The following CYP20A1 variants were observed in gnomAD, a reference collection of about 807,000 sequenced individuals.
CYP20A1 encodes cytochrome P450 family 20 subfamily A member 1, also known as cytochrome P450 20A1.
Under a neutral mutation model 61.4 loss-of-function variants are expected in CYP20A1, and 61 were observed. That is an observed-to-expected ratio of 0.99 (90% confidence interval 0.81 to 1.23). CYP20A1 has a LOEUF of 1.23. Among genes scored for constraint, CYP20A1 ranks in the 50% most tolerant of loss-of-function variants. The probability of loss-of-function intolerance (pLI) is 0.00; values close to 1 mark genes in which losing one functional copy is unlikely to be tolerated. For missense variants in CYP20A1, 530 were observed against 542.4 expected (o/e 0.98, Z 0.23); for synonymous variants, 193 against 188.2 (o/e 1.03, Z -0.21).
intron 11 of CYP20A1, among the ~76,000 whole-genome samples, chr2:203,294,647 T>C (rs1426445554): frequency 1.3e-5 from 2 of 152,098 alleles, no homozygotes; most frequent in Non-Finnish European, 2.9e-5. Flanking sequence ...CGTGTATCTT[T>C]TTTTTTTGGA....
At chr2:203,281,560 T>C (rs1053928634) in intron 8 of CYP20A1, among the ~76,000 whole-genome samples, 1 of 151,320 alleles carries the variant, frequency 6.6e-6, no homozygotes, top group African/African-American at 2.4e-5. Context: ...CCCAGCACTA[T>C]GGGAGGCTGA....
At chr2:203,243,788 C>T (rs966661632) in intron 1 of CYP20A1, among the ~76,000 whole-genome samples, 3 of 147,324 alleles carry the variant, frequency 2.0e-5, no homozygotes, top group Non-Finnish European at 3.0e-5. Context: ...CTCCCAGGCT[C>T]AAGTGATCCT....
intron 8 of CYP20A1, among the ~76,000 whole-genome samples, chr2:203,280,612 C>G (rs561141976): frequency 2.0e-5 from 3 of 152,302 alleles, no homozygotes; most frequent in South Asian, 2.1e-4. Flanking sequence ...GAGGCAGGAT[C>G]ATCACTTGAG....
intron 3 of CYP20A1, among the ~76,000 whole-genome samples, chr2:203,248,860 C>G (rs1034603954): frequency 6.6e-6 from 1 of 152,050 alleles, no homozygotes; most frequent in Admixed American, 6.6e-5. Flanking sequence ...TAGGCATGCA[C>G]CACCATGCCT....
At chr2:203,274,377 G>A (rs375242709) in intron 6 of CYP20A1, among the ~76,000 whole-genome samples, 3 of 151,900 alleles carry the variant, frequency 2.0e-5, no homozygotes, top group Non-Finnish European at 4.4e-5. Flanking sequence ...GTAGAGATGG[G>A]GTTTCGCCAT....
intron 8 of CYP20A1, among the ~76,000 whole-genome samples, chr2:203,284,984 A>G (rs1043353271): frequency 6.6e-6 from 1 of 151,704 alleles, no homozygotes; most frequent in Non-Finnish European, 1.5e-5. Flanking sequence ...GAGCCTACGC[A>G]ATCCCCCAGC....
intron 1 of CYP20A1, among the ~76,000 whole-genome samples, chr2:203,243,484 G>A (rs775265154): frequency 5.3e-5 from 8 of 151,386 alleles, no homozygotes; most frequent in Admixed American, 1.3e-4. Context: ...TCCGCCTCCC[G>A]GGCTCAAATC....
rs1277507565 is a variant in CYP20A1, at chr2:203,301,208, A to T, written c.*4300A>T. ...TGAAACTCTATCCAAAAAAAAAAAAAAACCATACGTACATAACTTTTTTTC... is the reference window on the plus strand; with the variant it reads ...TGAAACTCTATCCAAAAAAAAAAAATAACCATACGTACATAACTTTTTTTC... On this transcript the variant is annotated 3_prime_UTR_variant, in exon 13 of 13. Coordinates refer to ENST00000356079, the MANE Select transcript of CYP20A1 (RefSeq NM_177538.3). Among the ~76,000 whole-genome samples, 2 of 150,900 alleles carry T rather than the reference A, an allele frequency of 1.3e-5. No individual in the cohort carries two copies. Among genetic ancestry groups the T allele is most frequent in the Non-Finnish European group, 3.0e-5 (2 of 67,716 alleles).
chr2:203,249,340 CTG>C (rs1473377626), intron 3 of CYP20A1, among the ~76,000 whole-genome samples: 4 of 152,236 alleles, frequency 2.6e-5, no homozygotes, highest in African/African-American at 7.2e-5. Flanking sequence ...CACATTGAGA[CTG>C]TCTCTAAATT....
intron 7 of CYP20A1, 43 bp downstream of exon 7, chr2:203,278,731 A>G (rs1170970542): frequency 4.5e-6 from 5 of 1,104,610 alleles, no homozygotes; most frequent in Non-Finnish European, 6.6e-6. Flanking sequence ...AAAATAAGCC[A>G]GAGCCAGGCA....
At position 203,303,616 on chromosome 2, in the gene CYP20A1, A is replaced by C. The variant is rs1342823706; in HGVS notation, c.*6708A>C. ...AGGCTGAGGCAGGAGAATCGCTTGA[A>C]CCCAAGAGTCGGAGGTTGCAGTGAG... On this transcript the variant is annotated 3_prime_UTR_variant, in exon 13 of 13. Transcript: ENST00000356079. 6.6e-6 allele frequency among the ~76,000 whole-genome samples: 1 copy of C among 151,654 alleles called. No homozygotes were observed. The highest frequency in any genetic ancestry group is 2.4e-5 in the African/African-American group (1 of 41,296).
At position 203,299,354 on chromosome 2, in the gene CYP20A1, TG is replaced by T. The variant is rs1240250137; in HGVS notation, c.*2448del. Among the ~76,000 whole-genome samples the T allele has an allele frequency of 1.3e-5, 2 of 152,064 alleles. No individual in the cohort carries two copies. The highest frequency in any genetic ancestry group is 2.9e-5 in the Non-Finnish European group (2 of 68,000). On this transcript the variant is annotated 3_prime_UTR_variant, in exon 13 of 13. Transcript: ENST00000356079. ...GGGAGGATCACTTGAGCCCAGGAGT[TG>T]GAGGCTTCAGTGAGCTGTGATCACA...
At chr2:203,252,494 A>T (rs892616370) in intron 4 of CYP20A1, among the ~76,000 whole-genome samples, 1 of 151,924 alleles carries the variant, frequency 6.6e-6, no homozygotes, top group Non-Finnish European at 1.5e-5. Context: ...TCTTAGGTTT[A>T]AGCAATTCTC....
intron 7 of CYP20A1, among the ~76,000 whole-genome samples, chr2:203,279,098 G>A (rs1311644452): frequency 6.6e-6 from 1 of 152,104 alleles, no homozygotes; most frequent in Non-Finnish European, 1.5e-5. Context: ...CCAAGTAGCT[G>A]GGACTACAGA....
chr2:203,245,262 G>A lies in CYP20A1; in HGVS notation c.73-584G>A, dbSNP rs1009412715. ...AGGATGGTCTTGATATCCTAACCTC[G>A]TGATCTGCCCTCCTCAGCCTCCCAA... On this transcript the variant is annotated intron_variant, in intron 1 of 12. Transcript: ENST00000356079. Among the ~76,000 whole-genome samples the A allele has an allele frequency of 2.0e-5, 3 of 151,534 alleles. No individual in the cohort carries two copies. In the East Asian group the frequency reaches 5.8e-4, roughly 29 times the overall value.
chr2:203,274,316 G>C (rs2067726356), intron 6 of CYP20A1, among the ~76,000 whole-genome samples: 1 of 151,712 alleles, frequency 6.6e-6, no homozygotes, highest in South Asian at 2.1e-4. Context: ...CTCCTGAGTA[G>C]CTGGGATTAC....
At chr2:203,259,002 A>G (rs889054401) in intron 4 of CYP20A1, among the ~76,000 whole-genome samples, 2 of 152,236 alleles carry the variant, frequency 1.3e-5, no homozygotes, top group East Asian at 3.9e-4. Flanking sequence ...TTTCTTTTCA[A>G]TAATATTATT....
chr2:203,269,516 C>T (rs1378178749), intron 5 of CYP20A1, among the ~76,000 whole-genome samples: 1 of 137,220 alleles, frequency 7.3e-6, no homozygotes, highest in African/African-American at 2.7e-5. Context: ...TTTTTTGAGA[C>T]GGAGTTTCGC....
At chr2:203,244,383 G>T (rs2066374620) in intron 1 of CYP20A1, among the ~76,000 whole-genome samples, 2 of 151,828 alleles carry the variant, frequency 1.3e-5, no homozygotes, top group Non-Finnish European at 2.9e-5. Context: ...TGTATTTTTA[G>T]TACAGATGGG....
Sources: gnomAD v4.1 joint callset for allele counts (sites outside exome capture counted in the v4.1 genomes callset) on GRCh38, gnomAD v4.1.1 for gene constraint, MANE v1.5 for transcripts, NCBI Gene and HGNC (gene_info 2026-07-23, HGNC 2026-07-21) for gene names.